The following TMIGD3 variants were observed in gnomAD, a reference collection of about 807,000 sequenced individuals.
TMIGD3 encodes AD026 protein (AD026).
Under a neutral mutation model 28.1 loss-of-function variants are expected in TMIGD3, and 21 were observed. That is an observed-to-expected ratio of 0.75 (90% CI 0.53 to 1.08). TMIGD3 has a LOEUF of 1.08. Ranked by LOEUF, TMIGD3 falls within the 50% of genes least tolerant of loss-of-function variation. The pLI is 0.00. For synonymous variants in TMIGD3, 151 were observed against 162.1 expected (o/e 0.93, Z 0.52); for missense variants, 416 against 435.6 (o/e 0.96, Z 0.40).
At chr1:111,503,932 T>A (rs1655383181), upstream of TMIGD3, 2 of 985,368 alleles carry the variant, frequency 2.0e-6, no homozygotes, top group Non-Finnish European at 2.4e-6. Context: ...CTGGAAGCAC[T>A]GACTATGCAA....
At chr1:111,557,869 C>A (rs541276091) in intron 1 of TMIGD3, among the ~76,000 whole-genome samples, 10 of 152,224 alleles carry the variant, frequency 6.6e-5, no homozygotes, top group African/African-American at 2.2e-4. Context: ...TGAGTAACAG[C>A]ACTCTAAGCT....
At chr1:111,493,387 C>G (rs911769927) in intron 1 of TMIGD3, among the ~76,000 whole-genome samples, 2 of 152,140 alleles carry the variant, frequency 1.3e-5, no homozygotes, top group Non-Finnish European at 2.9e-5. Context: ...CACCTCCCCC[C>G]ACCCTGCTTC....
chr1:111,555,973 AGG>A (rs1657476773), intron 1 of TMIGD3, among the ~76,000 whole-genome samples: 1 of 152,236 alleles, frequency 6.6e-6, no homozygotes, highest in Non-Finnish European at 1.5e-5. Flanking sequence ...TGGATTGAAA[AGG>A]AAACTCACAG....
At chr1:111,522,525 T>C (rs1656107794) in intron 1 of TMIGD3, among the ~76,000 whole-genome samples, 2 of 151,206 alleles carry the variant, frequency 1.3e-5, no homozygotes, top group South Asian at 4.2e-4. Context: ...TTGCTTTTTT[T>C]TTTTTTTTTG....
chr1:111,485,909 C>A, intron 4 of TMIGD3, 69 bp from the exon 5 acceptor site: 1 of 1,299,676 alleles, frequency 7.7e-7, no homozygotes, highest in South Asian at 1.3e-5. Context: ...GCTCTGGATC[C>A]CTTTTTCTGG....
chr1:111,556,795 TA>T (rs1265853072), intron 1 of TMIGD3, among the ~76,000 whole-genome samples: 1 of 152,104 alleles, frequency 6.6e-6, no homozygotes, highest in African/African-American at 2.4e-5. Flanking sequence ...GGAAGCTTTT[TA>T]AAAAGTTCTG....
At chr1:111,533,122 T>C (rs1656510006) in intron 1 of TMIGD3, among the ~76,000 whole-genome samples, 1 of 152,164 alleles carries the variant, frequency 6.6e-6, no homozygotes, top group Non-Finnish European at 1.5e-5. Context: ...CCTCTGACTG[T>C]CCCCCAAAAG....
At chr1:111,508,450 G>T (rs1240333804), upstream of TMIGD3, among the ~76,000 whole-genome samples, 1 of 152,164 alleles carries the variant, frequency 6.6e-6, no homozygotes, top group African/African-American at 2.4e-5. Flanking sequence ...GAAAGAAAAC[G>T]GGAAGAACTT....
chr1:111,504,106 C>G, upstream of TMIGD3: 1 of 985,440 alleles, frequency 1.0e-6, no homozygotes, highest in Non-Finnish European at 1.2e-6. Context: ...CGATACCCAG[C>G]CTTTGCAGCA....
At chr1:111,506,099 A>C (rs1290663814), upstream of TMIGD3, among the ~76,000 whole-genome samples, 1 of 152,208 alleles carries the variant, frequency 6.6e-6, no homozygotes, top group East Asian at 1.9e-4. Context: ...CAGGACCTTG[A>C]AGAAAACTTC....
chr1:111,494,261 G>A (rs1411659908), intron 1 of TMIGD3, among the ~76,000 whole-genome samples: 1 of 152,206 alleles, frequency 6.6e-6, no homozygotes, highest in Admixed American at 6.5e-5. Context: ...AATAGGAAGA[G>A]AAGTCAAACT....
intron 1 of TMIGD3, among the ~76,000 whole-genome samples, chr1:111,553,566 C>T (rs74112330): frequency 0.03 from 4,515 of 152,278 alleles, 218 homozygotes; most frequent in African/African-American, 0.1. Flanking sequence ...AAGGTATCTT[C>T]CTTAAACCTA....
intron 1 of TMIGD3, chr1:111,542,085 CTT>C (rs35807618): frequency 0.4 from 66,917 of 167,332 alleles, 11,860 homozygotes; most frequent in Admixed American, 0.49. Flanking sequence ...TGCAAAGAAG[CTT>C]TTTTTTTTTT....
chr1:111,518,553 A>T (rs868413159), intron 1 of TMIGD3, among the ~76,000 whole-genome samples: 4 of 152,338 alleles, frequency 2.6e-5, no homozygotes, highest in Middle Eastern at 3.4e-3. Flanking sequence ...CTCCCAGTTG[A>T]GAAACAGTGA....
intron 1 of TMIGD3, among the ~76,000 whole-genome samples, chr1:111,557,097 A>G (rs958909976): frequency 6.6e-6 from 1 of 152,092 alleles, no homozygotes; most frequent in Non-Finnish European, 1.5e-5. Flanking sequence ...ACAAAGAGAA[A>G]TGTTAAGACT....
chr1:111,518,576 G>C (rs978858368), intron 1 of TMIGD3, among the ~76,000 whole-genome samples: 2 of 152,226 alleles, frequency 1.3e-5, no homozygotes, highest in Admixed American at 6.5e-5. Context: ...TAAACGAGAA[G>C]CCTAAAGTTC....
At chr1:111,546,420 C>G (rs1318630195) in intron 1 of TMIGD3, among the ~76,000 whole-genome samples, 5 of 152,138 alleles carry the variant, frequency 3.3e-5, no homozygotes, top group Non-Finnish European at 5.9e-5. Flanking sequence ...AGTAACTCCC[C>G]ATTCCTTCCT....
intron 1 of TMIGD3, among the ~76,000 whole-genome samples, chr1:111,550,732 C>G (rs1657223787): frequency 6.6e-6 from 1 of 152,230 alleles, no homozygotes; most frequent in South Asian, 2.1e-4. Context: ...TAGGCTCAAG[C>G]AGTCTTCACA....
intron 1 of TMIGD3, among the ~76,000 whole-genome samples, chr1:111,553,968 C>T (rs1377664278): frequency 6.6e-6 from 1 of 152,184 alleles, no homozygotes; most frequent in Non-Finnish European, 1.5e-5. Flanking sequence ...ATTGCTTCCC[C>T]ATTCTGACTG....
Sources: gnomAD v4.1 joint callset for allele counts (sites outside exome capture counted in the v4.1 genomes callset) on GRCh38, gnomAD v4.1.1 for gene constraint, MANE v1.5 for transcripts, NCBI Gene and HGNC (gene_info 2026-07-23, HGNC 2026-07-21) for gene names.